Variants in WDR36 observed in about 807,000 individuals in gnomAD.
WDR36 encodes WD repeat-containing protein 36.
WDR36 carries 63 observed loss-of-function variants against 112.7 expected under a neutral mutation model. That is an observed-to-expected ratio of 0.56 (90% CI 0.46 to 0.69). WDR36 has a LOEUF of 0.69. Among genes scored for constraint, WDR36 ranks in the 30% least tolerant of loss-of-function variants. The pLI is 0.00. For missense variants in WDR36, 1,226 were observed against 1,070.3 expected, an observed-to-expected ratio of 1.15 and a Z score of -2.03; for synonymous variants, 410 against 362.2, an observed-to-expected ratio of 1.13 and a Z score of -1.50.
In WDR36 at chr5:111,123,794, C is replaced by G. The variant is rs1469575965; in HGVS notation, c.2149-11C>G. On this transcript the variant is annotated splice_polypyrimidine_tract_variant and intron_variant, in intron 19 of 22. Transcript: ENST00000513710. ...AATTCCTATTTTTCTTTCTCATTTT[C>G]TCTTAATCAGAAAAAGAATAAACCA... is the stretch of plus-strand genomic sequence containing the variant. 3.1e-6 allele frequency: 5 copies of G among 1,612,896 alleles called. No homozygotes were observed. The highest frequency in any genetic ancestry group is 3.3e-5 in the Admixed American group (2 of 59,970).
At chr5:111,093,046 G>A (rs7729832) in intron 1 of WDR36, among the ~76,000 whole-genome samples, 19,836 of 152,292 alleles carry the variant, frequency 0.13, 1,399 homozygotes, top group South Asian at 0.28. Context: ...GAGAACCGGA[G>A]ATGGTGAGAT....
At position 111,125,795 on chromosome 5, in the gene WDR36, G is replaced by C; in HGVS notation, c.2538G>C (p.Lys846Asn). The change falls in exon 22 of 23, where the codon AAG becomes AAC. Residue 846 changes from lysine (K) to asparagine (N), a missense_variant and splice_region_variant. Transcript: ENST00000513710. ...LAQAYLALFL[K>N]LHLKMLPSEP... ...AGGCATACCTTGCATTGTTTCTAAA[G>C]GTAAGTCTAATGTAAGACAGTACTG... 9 of 1,613,642 alleles carry C rather than the reference G, an allele frequency of 5.6e-6. No individual in the cohort carries two copies. Among genetic ancestry groups the C allele is most frequent in the Non-Finnish European group, 7.6e-6 (9 of 1,179,710 alleles).
intron 1 of WDR36, among the ~76,000 whole-genome samples, chr5:111,093,389 G>C (rs1752910082): frequency 6.6e-6 from 1 of 152,132 alleles, no homozygotes; most frequent in African/African-American, 2.4e-5. Flanking sequence ...TTTCTTTTCT[G>C]GAAAACAGGT....
intron 1 of WDR36, 32 bp from the exon 2 acceptor site, chr5:111,094,888 T>A (rs1240937702): frequency 6.5e-7 from 1 of 1,547,240 alleles, no homozygotes; most frequent in Admixed American, 1.8e-5. Flanking sequence ...TGTTTGTTAA[T>A]GAAAATTTAA....
chr5:111,096,888 A>T, intron 2 of WDR36, 191 bp from the exon 3 acceptor site: 1 of 485,444 alleles, frequency 2.1e-6, no homozygotes. Flanking sequence ...GTGATTTCCT[A>T]TCCTTAGTTT....
At chr5:111,092,876 T>G (rs749284519) in intron 1 of WDR36, among the ~76,000 whole-genome samples, 5 of 152,244 alleles carry the variant, frequency 3.3e-5, no homozygotes, top group Admixed American at 6.5e-5. Context: ...GCAGTAATAT[T>G]TGTTCAGTGA....
chr5:111,110,103 C>G (rs1348803065), intron 12 of WDR36, 86 bp from the exon 13 acceptor site: 1 of 874,436 alleles, frequency 1.1e-6, no homozygotes, highest in Non-Finnish European at 1.9e-6. Context: ...TAAAAAGGAA[C>G]AAGTAGATAA....
rs756274878 is a variant in WDR36 at position 111,129,387 on chromosome 5, G to A, written c.*2504G>A. 41 of 192,660 alleles carry A rather than the reference G, an allele frequency of 2.1e-4. No homozygotes were observed. The highest frequency in any genetic ancestry group is 3.9e-4 in the Non-Finnish European group (36 of 92,306). 11.9% of individuals were successfully genotyped at this position (192,660 alleles called of 1,614,324 possible). ...AAGATATGAGCATCTGCTTCCCCAT[G>A]TAATTAATGACACTTGCTATTGGAT... On this transcript the variant is annotated 3_prime_UTR_variant, in exon 23 of 23. Coordinates refer to ENST00000513710, the MANE Select transcript of WDR36 (RefSeq NM_139281.3).
intron 14 of WDR36, 105 bp from the exon 15 acceptor site, chr5:111,111,065 C>G (rs565579666): frequency 6.5e-7 from 1 of 1,548,336 alleles, no homozygotes; most frequent in Admixed American, 1.7e-5. Context: ...CAACATTTGG[C>G]TTAATTTCCC....
rs777665678 is a variant in WDR36 at position 111,102,421 on chromosome 5, C to G, written c.597+22C>G. On this transcript the variant is annotated intron_variant, in intron 6 of 22. Transcript: ENST00000513710. ...GCAGGTTAGTATTTTTCTGTTAAGT[C>G]AAAGAGGAACAAAGTTAATAGGAAA... 9.4e-6 allele frequency: 15 copies of G among 1,600,362 alleles called. No homozygotes were observed. In the African/African-American group the frequency reaches 1.5e-4, roughly 16 times the overall value.
intron 19 of WDR36, among the ~76,000 whole-genome samples, chr5:111,122,581 G>A (rs1473252969): frequency 6.6e-6 from 1 of 152,150 alleles, no homozygotes; most frequent in Admixed American, 6.5e-5. Flanking sequence ...CAAGAATGGT[G>A]AGTTAGAATG....
intron 5 of WDR36, 50 bp downstream of exon 5, chr5:111,100,771 A>G: frequency 1.3e-6 from 2 of 1,549,902 alleles, no homozygotes; most frequent in Non-Finnish European, 1.8e-6. Flanking sequence ...ATCCTCATCT[A>G]CTACTTCCTA....
rs1320950047 is a variant in WDR36 at position 111,128,489 on chromosome 5, C to G, written c.*1606C>G. 1 of 179,768 alleles carries G rather than the reference C, an allele frequency of 5.6e-6. No individual in the cohort carries two copies. Among genetic ancestry groups the G allele is most frequent in the African/African-American group, 2.4e-5 (1 of 42,406 alleles). The allele number at this position is 179,768 out of a possible 1,614,324, so 11.1% of individuals were successfully genotyped here. ...ATTTAAAAAACTATTTTCCTCTTTC[C>G]TAAATACTATATTCTAAATTGGAAT... On this transcript the variant is annotated 3_prime_UTR_variant, in exon 23 of 23. Transcript: ENST00000513710.
At chr5:111,102,434 A>C (rs1484935006) in intron 6 of WDR36, 35 bp downstream of exon 6, 1 of 1,586,960 alleles carries the variant, frequency 6.3e-7, no homozygotes, top group East Asian at 2.2e-5. Context: ...AGAGGAACAA[A>C]GTTAATAGGA....
intron 4 of WDR36, among the ~76,000 whole-genome samples, chr5:111,099,456 TTTTTTTG>T (rs1396978560): frequency 5.4e-3 from 366 of 68,046 alleles, no homozygotes; most frequent in African/African-American, 0.022. Context: ...TTTTTGTTTT[TTTTTTTG>T]TTTTTTTTTT....
At chr5:111,107,895 G>C (rs189064265) in intron 12 of WDR36, among the ~76,000 whole-genome samples, 1 of 151,388 alleles carries the variant, frequency 6.6e-6, no homozygotes, top group Admixed American at 6.6e-5. Flanking sequence ...TAGCTTTGTG[G>C]TAAGTTTTGA....
chr5:111,104,649 G>T (rs1189702664), intron 8 of WDR36, 48 bp from the exon 9 acceptor site: 4 of 1,610,078 alleles, frequency 2.5e-6, no homozygotes, highest in Non-Finnish European at 3.4e-6. Context: ...ACTGCTTGCA[G>T]ATCAGATGGA....
intron 2 of WDR36, among the ~76,000 whole-genome samples, chr5:111,095,785 C>G (rs1014179450): frequency 1.4e-4 from 21 of 152,166 alleles, no homozygotes; most frequent in Admixed American, 1.4e-3. Context: ...CTTTTGCCAT[C>G]ATTCCTTCTA....
In WDR36 at chr5:111,121,259, C is replaced by T. The variant is rs564240978; in HGVS notation, c.2148+118C>T. On this transcript the variant is annotated intron_variant, in intron 19 of 22. Transcript: ENST00000513710. ...TTAGAAGAGCAATTAATATGTAAGACAGCACTGACAATGCTATTTAATCAA... is the reference window on the plus strand; with the variant it reads ...TTAGAAGAGCAATTAATATGTAAGATAGCACTGACAATGCTATTTAATCAA... The T allele has an allele frequency of 9.9e-6, 10 of 1,006,820 alleles. 1 individual carries two copies. The highest frequency in any genetic ancestry group is 5.8e-5 in the Admixed American group (3 of 51,608). The allele number at this position is 1,006,820 out of a possible 1,614,324, so 62.4% of individuals were successfully genotyped here.
Sources: allele counts gnomAD v4.1 joint callset (sites outside exome capture counted in the v4.1 genomes callset), GRCh38; gene constraint gnomAD v4.1.1; transcripts MANE v1.5; gene names NCBI Gene and HGNC (gene_info 2026-07-23, HGNC 2026-07-21).